The following PHKB variants were observed in gnomAD, a reference collection of about 807,000 sequenced individuals.
PHKB encodes the protein phosphorylase b kinase regulatory subunit beta.
A neutral mutation model predicts 152.1 loss-of-function variants in PHKB; 122 were observed. That is an observed-to-expected ratio of 0.80 (90% confidence interval 0.69 to 0.93). The LOEUF (loss-of-function observed/expected upper bound fraction) is 0.93, where lower values mean the gene tolerates loss of function less well. Ranked by LOEUF, PHKB falls within the 40% of genes least tolerant of loss-of-function variation. The probability of loss-of-function intolerance (pLI) is 0.00; values close to 1 mark genes in which losing one functional copy is unlikely to be tolerated. For missense variants in PHKB, 1,304 were observed against 1,328.4 expected, an observed-to-expected ratio of 0.98 and a Z score of 0.29; for synonymous variants, 436 against 464.9, an observed-to-expected ratio of 0.94 and a Z score of 0.80.
At chr16:47,570,969 C>T (rs1338553081) in intron 7 of PHKB, among the ~76,000 whole-genome samples, 4 of 150,742 alleles carry the variant, frequency 2.7e-5, no homozygotes, top group African/African-American at 9.7e-5. Flanking sequence ...TTTTTTTTCC[C>T]CCGTTAAGGA....
At chr16:47,665,477 C>T (rs867683854) in intron 25 of PHKB, 4 of 246,570 alleles carry the variant, frequency 1.6e-5, no homozygotes, top group African/African-American at 9.2e-5. Flanking sequence ...AAATTCAGTA[C>T]TAAGTGAATC....
intron 26 of PHKB, among the ~76,000 whole-genome samples, chr16:47,679,587 C>G (rs553759693): frequency 6.6e-6 from 1 of 152,040 alleles, no homozygotes; most frequent in Non-Finnish European, 1.5e-5. Context: ...TTATTGGTGT[C>G]TAAGAATGCT....
At chr16:47,696,777 T>G (rs1207800358) in intron 29 of PHKB, among the ~76,000 whole-genome samples, 1 of 152,156 alleles carries the variant, frequency 6.6e-6, no homozygotes, top group Non-Finnish European at 1.5e-5. Context: ...CAATCACCCC[T>G]TAGCATCAAG....
chr16:47,632,486 T>C (rs186173123), intron 14 of PHKB, among the ~76,000 whole-genome samples: 2 of 152,272 alleles, frequency 1.3e-5, no homozygotes, highest in Admixed American at 1.3e-4. Context: ...AGAGTAACTT[T>C]TGTGTAGAAA....
At chr16:47,638,438 C>T (rs1463381698) in intron 14 of PHKB, among the ~76,000 whole-genome samples, 1 of 152,210 alleles carries the variant, frequency 6.6e-6, no homozygotes, top group Admixed American at 6.5e-5. Flanking sequence ...ACTTTGTTCT[C>T]TCCCTAAGTC....
At chr16:47,627,926 A>G (rs533447520) in intron 14 of PHKB, among the ~76,000 whole-genome samples, 3 of 152,332 alleles carry the variant, frequency 2.0e-5, no homozygotes, top group African/African-American at 4.8e-5. Flanking sequence ...ATTGAGATGT[A>G]TAAAGCATCT....
rs1352166987 is a variant in PHKB at position 47,678,706 on chromosome 16, C to T, written c.2630+9289C>T. On this transcript the variant is annotated intron_variant, in intron 26 of 30. Coordinates refer to ENST00000323584, the MANE Select transcript of PHKB (RefSeq NM_000293.3). ...GATGAGTAGGTTGCAAAAATTTTCT[C>T]CCATTCTGTAGGTTGCCTGTTCACT... 4.0e-5 allele frequency among the ~76,000 whole-genome samples: 6 copies of T among 151,898 alleles called. No homozygotes were observed. The South Asian group carries it at 6.3e-4, about 16-fold the overall frequency.
intron 13 of PHKB, chr16:47,597,825 G>A (rs370411328): frequency 6.6e-6 from 1 of 151,246 alleles, no homozygotes; most frequent in Non-Finnish European, 1.5e-5. Flanking sequence ...CTATCCTGAT[G>A]TAATTAGGTT....
chr16:47,501,249 T>G (rs1970320178), intron 3 of PHKB, among the ~76,000 whole-genome samples: 1 of 152,196 alleles, frequency 6.6e-6, no homozygotes, highest in Non-Finnish European at 1.5e-5. Flanking sequence ...TGAACAAAGC[T>G]GAATTGTGGC....
rs201377441 is a variant in PHKB, at chr16:47,693,402, C to G, written c.2790C>G (p.Ile930Met). 1 of 1,613,988 alleles carries G rather than the reference C, an allele frequency of 6.2e-7. No individual in the cohort carries two copies. Among genetic ancestry groups the G allele is most frequent in the Non-Finnish European group, 8.5e-7 (1 of 1,179,948 alleles). ...NGRCWLNRRQ[I>M]DGSLNRTPTG... The stretch of plus-strand genomic sequence containing the variant: ...GATGTTGGCTGAACAGGCGTCAGAT[C>G]GATGGGTCTTTGAATAGAACTCCCA... The change falls in exon 28 of 31, where the codon ATC becomes ATG. Residue 930 changes from isoleucine to methionine, a missense_variant. By Grantham distance (10) the Ile-to-Met change is conservative. Transcript: ENST00000323584.
chr16:47,628,511 G>A (rs921876474), intron 14 of PHKB, among the ~76,000 whole-genome samples: 1 of 152,122 alleles, frequency 6.6e-6, no homozygotes, highest in African/African-American at 2.4e-5. Flanking sequence ...CAGCCTGGGC[G>A]ACAGGGCAAA....
At chr16:47,556,386 TATG>T (rs2151678285) in intron 7 of PHKB, among the ~76,000 whole-genome samples, 1 of 152,320 alleles carries the variant, frequency 6.6e-6, no homozygotes, top group African/African-American at 2.4e-5. Context: ...GCCCATTCAG[TATG>T]ATATTGGCTG....
Position 47,696,409 on chromosome 16 carries a change from A to G in PHKB, c.2924A>G (p.Tyr975Cys). Residue 975 changes from tyrosine (Y) to cysteine (C), a missense_variant, in exon 29 of 31, where the codon TAT becomes TGT. Physicochemically the swap from Tyr to Cys is radical, Grantham distance 194 (BLOSUM62 -2). Transcript: ENST00000323584. ...QQPTLSDMTM[Y>C]EMNFSLLVED... ...CCAACCCTGTCAGATATGACCATGT[A>G]TGAGATGAATTTCTCTCTCCTTGTT... 2 of 1,607,660 alleles carry G rather than the reference A, an allele frequency of 1.2e-6. No individual in the cohort carries two copies. The highest frequency in any genetic ancestry group is 1.7e-6 in the Non-Finnish European group (2 of 1,174,046).
At chr16:47,568,367 TCA>T (rs1354260625) in intron 7 of PHKB, among the ~76,000 whole-genome samples, 1 of 152,208 alleles carries the variant, frequency 6.6e-6, no homozygotes, top group Admixed American at 6.5e-5. Context: ...TTCTGCAGTA[TCA>T]GTTATAATGT....
chr16:47,666,064 TC>T, intron 25 of PHKB: 1 of 1,492,478 alleles, frequency 6.7e-7, no homozygotes, highest in Non-Finnish European at 9.3e-7. Flanking sequence ...ACTTATTTGG[TC>T]CCGGTTGCAA....
rs1488350952 is a variant in PHKB, at chr16:47,664,987, A to C, written c.2427+12A>C. Reference sequence around the variant, plus strand: ...TACATGGGAAACAGGTAACATGCACAGAATTTGAAAACCCAAGCTGCTTGA... The same window carrying C: ...TACATGGGAAACAGGTAACATGCACCGAATTTGAAAACCCAAGCTGCTTGA... On this transcript the variant is annotated intron_variant, in intron 25 of 30. Coordinates refer to ENST00000323584, the MANE Select transcript of PHKB (RefSeq NM_000293.3). The C allele has an allele frequency of 6.4e-7, 1 of 1,563,314 alleles. No homozygotes were observed. The highest frequency in any genetic ancestry group is 1.1e-5 in the South Asian group (1 of 90,054).
intron 7 of PHKB, among the ~76,000 whole-genome samples, chr16:47,567,314 G>A (rs2151685456): frequency 6.6e-6 from 1 of 151,886 alleles, no homozygotes; most frequent in Middle Eastern, 3.4e-3. Flanking sequence ...TATTGTAAAT[G>A]GGATTGAGTT....
chr16:47,662,246 T>C (rs1378394041), intron 23 of PHKB, among the ~76,000 whole-genome samples: 2 of 152,196 alleles, frequency 1.3e-5, no homozygotes, highest in African/African-American at 4.8e-5. Flanking sequence ...GCTCTGAAGA[T>C]GGTTAATAAA....
chr16:47,594,221 T>C lies in PHKB; in HGVS notation c.1204+7T>C, dbSNP rs777639922. ...CTTCATCATACCACAGAAGGTATAGTTGTTTTTTTAAGAAATTCTTCCTAC... is the reference window on the plus strand; with the variant it reads ...CTTCATCATACCACAGAAGGTATAGCTGTTTTTTTAAGAAATTCTTCCTAC... On this transcript the variant is annotated splice_region_variant and intron_variant, in intron 12 of 30. Coordinates refer to ENST00000323584, the MANE Select transcript of PHKB (RefSeq NM_000293.3). 15 of 1,466,232 alleles carry C rather than the reference T, an allele frequency of 1.0e-5. 1 individual carries two copies. The South Asian group carries it at 1.7e-4, about 17-fold the overall frequency. The allele number at this position is 1,466,232 out of a possible 1,614,324, so 90.8% of individuals were successfully genotyped here.
Sources: allele counts gnomAD v4.1 joint callset (sites outside exome capture counted in the v4.1 genomes callset), GRCh38; gene constraint gnomAD v4.1.1; transcripts MANE v1.5; gene names NCBI Gene and HGNC (gene_info 2026-07-23, HGNC 2026-07-21).